Variants in SCAMP1 observed in about 807,000 individuals in gnomAD.
The protein encoded by SCAMP1 is secretory carrier-associated membrane protein 1.
In SCAMP1, 15 loss-of-function variants were observed where a neutral mutation model predicts 41.8. That is an observed-to-expected ratio of 0.36 (90% CI 0.24 to 0.55). SCAMP1 has a LOEUF of 0.55. Among genes scored for constraint, SCAMP1 ranks in the 20% least tolerant of loss-of-function variants. The pLI, the probability that SCAMP1 is intolerant of heterozygous loss-of-function variation, is 0.86. For synonymous variants in SCAMP1, 135 were observed against 136.8 expected, an observed-to-expected ratio of 0.99 and a Z score of 0.09; for missense variants, 341 against 412.6, an observed-to-expected ratio of 0.83 and a Z score of 1.50.
chr5:78,379,685 C>T (rs531668279), intron 1 of SCAMP1, among the ~76,000 whole-genome samples: 21 of 152,178 alleles, frequency 1.4e-4, no homozygotes, highest in African/African-American at 5.1e-4. Context: ...TAAGTTATAC[C>T]TTATTTATTT....
intron 2 of SCAMP1, among the ~76,000 whole-genome samples, chr5:78,404,092 A>T (rs968781508): frequency 4.3e-5 from 6 of 140,612 alleles, no homozygotes; most frequent in Non-Finnish European, 7.6e-5. Context: ...CTCCAACCTG[A>T]GTGACAAAGT....
chr5:78,405,657 A>C lies in SCAMP1; in HGVS notation c.136-9863A>C, dbSNP rs558387971. 2.0e-5 allele frequency among the ~76,000 whole-genome samples: 3 copies of C among 152,286 alleles called. No homozygotes were observed. In the East Asian group the frequency reaches 5.8e-4, roughly 29 times the overall value. ...TCTTCTGTTGCTGGAATGTAGCTTT[A>C]TGGGAGTAGGGGTGTTTGCCTATTT... On this transcript the variant is annotated intron_variant, in intron 2 of 8. Coordinates refer to ENST00000621999, the MANE Select transcript of SCAMP1 (RefSeq NM_004866.6).
rs778692752 is a variant in SCAMP1, at chr5:78,469,912, ACAAAAAAAAAAAAAAAAAAAC to A, written c.853-5591_853-5571del. On this transcript the variant is annotated intron_variant, in intron 8 of 8. Transcript: ENST00000621999. ...CATTAAAAAAAAAAAAAAAAAAAAA[ACAAAAAAAAAAAAAAAAAAAC>A]AACAACACAGCCCAGGCATGGTGGT... is the stretch of plus-strand genomic sequence containing the variant. Among the ~76,000 whole-genome samples the A allele has an allele frequency of 3.2e-5, 3 of 92,600 alleles. 1 individual carries two copies. The highest frequency in any genetic ancestry group is 1.3e-4 in the African/African-American group (3 of 22,938). 60.7% of individuals were successfully genotyped at this position (92,600 alleles called of 152,430 possible). A position where few individuals can be genotyped will look rare whatever the true frequency, so the allele number is the denominator to read the frequency against.
chr5:78,420,703 T>G (rs945129533), intron 5 of SCAMP1, among the ~76,000 whole-genome samples: 2 of 152,110 alleles, frequency 1.3e-5, no homozygotes, highest in African/African-American at 4.8e-5. Flanking sequence ...CTGGAGCTCT[T>G]TTTAAAAAAA....
rs1025288750 is a variant in SCAMP1 at position 78,461,601 on chromosome 5, G to T, written c.852+2239G>T. The stretch of plus-strand genomic sequence containing the variant: ...TTTTGAGACAGAATCTTGCTCTGAC[G>T]CCCAGGCTGGAGTGCAGTGGCACAA... On this transcript the variant is annotated intron_variant, in intron 8 of 8. Transcript: ENST00000621999. Among the ~76,000 whole-genome samples, 21 of 151,922 alleles carry T rather than the reference G, an allele frequency of 1.4e-4. 1 individual carries two copies. The highest frequency in any genetic ancestry group is 9.8e-4 in the Admixed American group (15 of 15,258).
intron 8 of SCAMP1, among the ~76,000 whole-genome samples, chr5:78,463,548 C>T (rs1446972017): frequency 1.3e-5 from 2 of 152,168 alleles, no homozygotes; most frequent in South Asian, 2.1e-4. Flanking sequence ...CACAGTAATG[C>T]CTCATAAACT....
At chr5:78,382,098 C>T (rs1308841177) in intron 1 of SCAMP1, among the ~76,000 whole-genome samples, 1 of 152,150 alleles carries the variant, frequency 6.6e-6, no homozygotes, top group Admixed American at 6.5e-5. Flanking sequence ...ACCTGAGAAC[C>T]TTTTAGAAAT....
intron 2 of SCAMP1, among the ~76,000 whole-genome samples, chr5:78,391,978 G>C (rs1228938036): frequency 3.3e-5 from 5 of 151,760 alleles, no homozygotes; most frequent in Non-Finnish European, 7.4e-5. Flanking sequence ...CTTCGGCTTG[G>C]CATCAGAGGG....
intron 8 of SCAMP1, among the ~76,000 whole-genome samples, chr5:78,462,599 A>G (rs55991960): frequency 0.026 from 4,004 of 152,274 alleles, 194 homozygotes; most frequent in African/African-American, 0.091. Flanking sequence ...TCGGGATTAC[A>G]GGTGTGAGCC....
chr5:78,422,042 T>C, intron 6 of SCAMP1, 82 bp downstream of exon 6: 1 of 1,195,696 alleles, frequency 8.4e-7, no homozygotes, highest in Non-Finnish European at 1.2e-6. Context: ...GGAAAATTGA[T>C]GCATTTTCAT....
At chr5:78,459,723 G>T (rs1346633166) in intron 8 of SCAMP1, among the ~76,000 whole-genome samples, 1 of 151,978 alleles carries the variant, frequency 6.6e-6, no homozygotes, top group Non-Finnish European at 1.5e-5. Context: ...TATGTGATAT[G>T]TACATTTTAT....
chr5:78,473,196 C>G (rs997575423), intron 8 of SCAMP1, among the ~76,000 whole-genome samples: 3 of 152,092 alleles, frequency 2.0e-5, no homozygotes, highest in African/African-American at 7.2e-5. Context: ...CTTTTTCTTC[C>G]TGACCATTTG....
At chr5:78,463,518 GTTGA>G (rs1753667293) in intron 8 of SCAMP1, among the ~76,000 whole-genome samples, 1 of 152,158 alleles carries the variant, frequency 6.6e-6, no homozygotes, top group African/African-American at 2.4e-5. Context: ...ATCTCCAGTT[GTTGA>G]TTGATGTCAT....
intron 2 of SCAMP1, among the ~76,000 whole-genome samples, chr5:78,390,480 A>G (rs569725932): frequency 1.3e-5 from 2 of 152,292 alleles, no homozygotes; most frequent in East Asian, 1.9e-4. Context: ...ATAATGAATT[A>G]GTGCTGTGAA....
intron 7 of SCAMP1, among the ~76,000 whole-genome samples, chr5:78,451,979 C>G (rs1208567656): frequency 2.0e-5 from 3 of 152,128 alleles, no homozygotes; most frequent in Non-Finnish European, 2.9e-5. Flanking sequence ...GAGTAGTATT[C>G]TATGATATGG....
At chr5:78,412,072 T>A (rs1752091280) in intron 2 of SCAMP1, among the ~76,000 whole-genome samples, 1 of 152,120 alleles carries the variant, frequency 6.6e-6, no homozygotes, top group South Asian at 2.1e-4. Flanking sequence ...TTTTTAAAAA[T>A]GCAGTTTTTT....
chr5:78,394,892 A>G (rs553943858), intron 2 of SCAMP1, among the ~76,000 whole-genome samples: 1 of 152,310 alleles, frequency 6.6e-6, no homozygotes, highest in African/African-American at 2.4e-5. Context: ...CCTGTCACTT[A>G]TACCTGCTGG....
At chr5:78,436,014 TA>T (rs1752743917) in intron 6 of SCAMP1, among the ~76,000 whole-genome samples, 1 of 152,256 alleles carries the variant, frequency 6.6e-6, no homozygotes, top group South Asian at 2.1e-4. Flanking sequence ...TTTGGCTGCA[TA>T]AATGTCTTCT....
intron 1 of SCAMP1, among the ~76,000 whole-genome samples, chr5:78,371,307 T>G (rs930866130): frequency 3.3e-5 from 5 of 152,156 alleles, no homozygotes; most frequent in African/African-American, 1.2e-4. Flanking sequence ...TGAATTTAGG[T>G]CTATGATTCA....
Sources: gnomAD v4.1 joint callset for allele counts (sites outside exome capture counted in the v4.1 genomes callset) on GRCh38, gnomAD v4.1.1 for gene constraint, MANE v1.5 for transcripts, NCBI Gene and HGNC (gene_info 2026-07-23, HGNC 2026-07-21) for gene names.